The following COL4A6 variants were observed in gnomAD, a reference collection of about 807,000 sequenced individuals.
COL4A6 encodes the protein collagen alpha-6(IV) chain.
Under a neutral mutation model 126.7 loss-of-function variants are expected in COL4A6, and 59 were observed. The observed-to-expected ratio is 0.47, with a 90% CI of 0.38 to 0.58. COL4A6 has a LOEUF of 0.58. Among genes scored for constraint, COL4A6 ranks in the 20% least tolerant of loss-of-function variants. COL4A6 has a pLI of 0.00. For synonymous variants in COL4A6, 547 were observed against 496.6 expected, an observed-to-expected ratio of 1.10 and a Z score of -1.35; for missense variants, 1,285 against 1,337.3, an observed-to-expected ratio of 0.96 and a Z score of 0.61.
At chrX:108,234,123 G>A (rs2036378848) in intron 3 of COL4A6, among the ~76,000 whole-genome samples, 2 of 111,673 alleles carry the variant, frequency 1.8e-5, no homozygotes, top group African/African-American at 6.5e-5. Context: ...ATTTCAAAGT[G>A]TTTTCACATG....
At chrX:108,363,430 G>A (rs2040132239) in intron 2 of COL4A6, among the ~76,000 whole-genome samples, 1 of 111,677 alleles carries the variant, frequency 9.0e-6, no homozygotes, top group African/African-American at 3.3e-5. Context: ...TTTCATACAA[G>A]ATTCCTCAAA....
intron 27 of COL4A6, 84 bp downstream of exon 27, chrX:108,178,600 T>C: frequency 1.0e-6 from 1 of 974,041 alleles, no homozygotes; most frequent in Non-Finnish European, 1.4e-6. Flanking sequence ...CATGTCCCAC[T>C]ACTGCTATTG....
Position 108,197,160 on chromosome X carries a change from G to A in COL4A6, c.835-581C>T, listed in dbSNP as rs1324990643. ...CACGGACTGAAACCCTGCAGCTCCT[G>A]TACTGGGACTGTAGGGCTCTTGCCT... On this transcript the variant is annotated intron_variant, in intron 13 of 44. Coordinates refer to ENST00000334504, the MANE Select transcript of COL4A6 (RefSeq NM_033641.4). Among the ~76,000 whole-genome samples the A allele has an allele frequency of 2.7e-5, 3 of 111,980 alleles. No homozygotes were observed. The East Asian group carries it at 8.5e-4, about 32-fold the overall frequency.
intron 8 of COL4A6, among the ~76,000 whole-genome samples, chrX:108,206,957 C>T (rs2035561545): frequency 9.0e-6 from 1 of 111,047 alleles, no homozygotes; most frequent in Non-Finnish European, 1.9e-5. Flanking sequence ...TGAATTGGGG[C>T]AGAGATTGAC....
At chrX:108,385,644 G>T (rs1027417352) in intron 2 of COL4A6, among the ~76,000 whole-genome samples, 2 of 112,129 alleles carry the variant, frequency 1.8e-5, no homozygotes, top group African/African-American at 6.5e-5. Context: ...TAAGGACAGA[G>T]ATATAGATCA....
intron 3 of COL4A6, among the ~76,000 whole-genome samples, chrX:108,258,212 A>G (rs1234125316): frequency 9.0e-6 from 1 of 111,269 alleles, no homozygotes; most frequent in East Asian, 2.8e-4. Flanking sequence ...GGAGGAGCTG[A>G]GATGATATGA....
intron 3 of COL4A6, among the ~76,000 whole-genome samples, chrX:108,225,840 C>T (rs1441904593): frequency 8.9e-6 from 1 of 112,711 alleles, no homozygotes; most frequent in Non-Finnish European, 1.9e-5. Flanking sequence ...GTGTTCTTCT[C>T]CCATAAAATT....
At chrX:108,205,350 T>A in intron 11 of COL4A6, 89 bp downstream of exon 11, 4 of 767,059 alleles carry the variant, frequency 5.2e-6, no homozygotes, top group Non-Finnish European at 7.9e-6. Flanking sequence ...AAAAAACAAA[T>A]CCTCTTACAC....
At chrX:108,407,300 G>A (rs1329793815) in intron 2 of COL4A6, among the ~76,000 whole-genome samples, 1 of 112,239 alleles carries the variant, frequency 8.9e-6, no homozygotes, top group Non-Finnish European at 1.9e-5. Context: ...TAACCTGGAA[G>A]TTCCAACTGA....
intron 8 of COL4A6, 100 bp downstream of exon 8, chrX:108,209,869 A>G: frequency 1.1e-6 from 1 of 874,637 alleles, no homozygotes; most frequent in Non-Finnish European, 1.6e-6. Context: ...ATTTTCCTTG[A>G]GGTCTACAAA....
At chrX:108,329,528 T>C (rs1356915609) in intron 2 of COL4A6, among the ~76,000 whole-genome samples, 1 of 111,410 alleles carries the variant, frequency 9.0e-6, no homozygotes, top group African/African-American at 3.3e-5. Flanking sequence ...TTATTGTCAA[T>C]TTTGTTGGTG....
At chrX:108,340,958 A>C (rs756183060) in intron 2 of COL4A6, among the ~76,000 whole-genome samples, 1 of 110,462 alleles carries the variant, frequency 9.1e-6, no homozygotes, top group African/African-American at 3.3e-5. Flanking sequence ...GCACTCTCAT[A>C]TTTGTGTTTG....
intron 2 of COL4A6, among the ~76,000 whole-genome samples, chrX:108,363,712 T>C (rs765568865): frequency 2.7e-5 from 3 of 112,459 alleles, no homozygotes; most frequent in Non-Finnish European, 5.6e-5. Context: ...ATATCAGACA[T>C]TCTGTCTGGG....
intron 3 of COL4A6, among the ~76,000 whole-genome samples, chrX:108,225,559 G>A (rs2036146585): frequency 8.9e-6 from 1 of 112,695 alleles, no homozygotes; most frequent in African/African-American, 3.2e-5. Flanking sequence ...CCGCAGGTCT[G>A]CAACCACAGC....
intron 2 of COL4A6, among the ~76,000 whole-genome samples, chrX:108,343,173 T>TATATATA (rs1569434562): frequency 5.3e-5 from 5 of 94,298 alleles, no homozygotes; most frequent in African/African-American, 1.6e-4. Flanking sequence ...ATAGTGTGTG[T>TATATATA]GTGTGTGTGT....
At chrX:108,212,398 T>C (rs915268898) in intron 6 of COL4A6, among the ~76,000 whole-genome samples, 1 of 111,077 alleles carries the variant, frequency 9.0e-6, no homozygotes, top group Non-Finnish European at 1.9e-5. Flanking sequence ...ACATGAAAAA[T>C]GGTTCAAAGT....
intron 3 of COL4A6, among the ~76,000 whole-genome samples, chrX:108,288,820 C>A (rs190615103): frequency 1.3e-3 from 145 of 111,013 alleles, no homozygotes; most frequent in African/African-American, 4.2e-3. Context: ...GGGCGCCACC[C>A]TAACCAAATG....
At chrX:108,367,651 C>T (rs1474241823) in intron 2 of COL4A6, among the ~76,000 whole-genome samples, 1 of 111,995 alleles carries the variant, frequency 8.9e-6, no homozygotes, top group Non-Finnish European at 1.9e-5. Context: ...CAATCTTGTC[C>T]ATTCCATTCT....
At chrX:108,420,345 G>T (rs2063962935) in intron 2 of COL4A6, among the ~76,000 whole-genome samples, 1 of 111,721 alleles carries the variant, frequency 9.0e-6, no homozygotes, top group Non-Finnish European at 1.9e-5. Context: ...GTCCTAGAGG[G>T]AGGACTCTGT....
Sources: gnomAD v4.1 joint callset for allele counts (sites outside exome capture counted in the v4.1 genomes callset) on GRCh38, gnomAD v4.1.1 for gene constraint, MANE v1.5 for transcripts, NCBI Gene and HGNC (gene_info 2026-07-23, HGNC 2026-07-21) for gene names.